The following PASK variants were observed in gnomAD, a reference collection of about 807,000 sequenced individuals.
PASK encodes PAS domain containing serine/threonine kinase, also known as PAS domain-containing serine/threonine-protein kinase.
PASK carries 110 observed loss-of-function variants against 121.0 expected under a neutral mutation model. That is an observed-to-expected ratio of 0.91 (90% confidence interval 0.78 to 1.06). The LOEUF is 1.06. Ranked by LOEUF, PASK falls within the 50% of genes least tolerant of loss-of-function variation. PASK has a pLI of 0.00. For synonymous variants in PASK, 686 were observed against 717.8 expected, an observed-to-expected ratio of 0.96 and a Z score of 0.71; for missense variants, 1,643 against 1,702.3, an observed-to-expected ratio of 0.97 and a Z score of 0.61.
intron 2 of PASK, among the ~76,000 whole-genome samples, 180 bp downstream of exon 2, chr2:241,142,654 AAGC>A (rs1225826439): frequency 6.6e-6 from 1 of 152,232 alleles, no homozygotes; most frequent in African/African-American, 2.4e-5. Context: ...AGCAGAGTAA[AAGC>A]AGCAGGAAGG....
intron 17 of PASK, 78 bp from the exon 18 acceptor site, chr2:241,106,801 G>T: frequency 1.4e-6 from 2 of 1,432,946 alleles, no homozygotes; most frequent in Non-Finnish European, 2.0e-6. Context: ...ACTTGAAGAA[G>T]TCCTAGAACA....
At chr2:241,150,242 T>C (rs2067221924), upstream of PASK, 2 of 1,286,754 alleles carry the variant, frequency 1.6e-6, no homozygotes, top group African/African-American at 3.1e-5. Context: ...TTCGACTCCC[T>C]CTGCTTTCCT....
intron 9 of PASK, among the ~76,000 whole-genome samples, chr2:241,131,513 A>G (rs10173808): frequency 0.058 from 8,830 of 152,268 alleles, 853 homozygotes; most frequent in African/African-American, 0.2. Context: ...TTTTTTAAAT[A>G]ATTTCAAGAC....
upstream of PASK, chr2:241,149,520 A>C (rs1161586916): frequency 5.1e-5 from 40 of 790,660 alleles, 2 homozygotes; most frequent in South Asian, 7.2e-4. Context: ...CCGATTGACA[A>C]GCTCCACGGA....
Position 241,127,174 on chromosome 2 carries a change from G to C in PASK, c.1741C>G (p.Pro581Ala). The C allele has an allele frequency of 6.2e-7, 1 of 1,614,112 alleles. No homozygotes were observed. Among genetic ancestry groups the C allele is most frequent in the Non-Finnish European group, 8.5e-7 (1 of 1,180,004 alleles). The change falls in exon 10 of 18, where the codon CCC becomes GCC. Residue 581 changes from proline (P) to alanine (A), a missense_variant. Pro to Ala is a conservative substitution (Grantham distance 27). Around this residue, in one of 3 missense-constraint regions of PASK, gnomAD observed 1,176 missense variants for 1,162.2 expected, o/e 1.01. Coordinates refer to ENST00000234040, the MANE Select transcript of PASK (RefSeq NM_015148.4). ...AQLERMGVSG[P>A]SGSDLWAGAA... Reference sequence around the variant, plus strand: ...CCAGCCCAAAGGTCTGAACCGCTGGGACCACTGACTCCCATCCGCTCTAGC... The same window carrying C: ...CCAGCCCAAAGGTCTGAACCGCTGGCACCACTGACTCCCATCCGCTCTAGC...
At position 241,115,363 on chromosome 2, in the gene PASK, A is replaced by C; in HGVS notation, c.3123T>G (p.Ile1041Met). The change falls in exon 13 of 18, where the codon ATT becomes ATG. Residue 1041 changes from isoleucine to methionine, a missense_variant. Ile to Met is a conservative substitution (Grantham distance 10). This residue lies in a region of PASK where 453 missense variants were observed against 511.2 expected (regional missense o/e 0.89). Coordinates refer to ENST00000234040, the MANE Select transcript of PASK (RefSeq NM_015148.4). ...TAACTTTCCCAAGTTTGGGATCCTCAATCCAACAATCCTCCAAGACCTTCT... is the reference window on the plus strand; with the variant it reads ...TAACTTTCCCAAGTTTGGGATCCTCCATCCAACAATCCTCCAAGACCTTCT... ...KKEKVLEDCW[I>M]EDPKLGKVTL... The C allele has an allele frequency of 6.2e-7, 1 of 1,613,706 alleles. No individual in the cohort carries two copies. The highest frequency in any genetic ancestry group is 8.5e-7 in the Non-Finnish European group (1 of 1,179,702).
In PASK at chr2:241,130,261, A is replaced by G. The variant is rs537320779; in HGVS notation, c.1463+2613T>C. Among the ~76,000 whole-genome samples, 222 of 152,368 alleles carry G rather than the reference A, an allele frequency of 1.5e-3. 1 individual carries two copies. Among genetic ancestry groups the G allele is most frequent in the African/African-American group, 5.2e-3 (216 of 41,588 alleles). ...AATGAATGGATAAATCTCTATAGTC[A>G]TAACTGCACTAGCTGTGCAGTGGAT... On this transcript the variant is annotated intron_variant, in intron 9 of 17. Coordinates refer to ENST00000234040, the MANE Select transcript of PASK (RefSeq NM_015148.4).
chr2:241,114,652 G>A (rs2065247907), intron 14 of PASK: 2 of 1,148,494 alleles, frequency 1.7e-6, no homozygotes, highest in South Asian at 3.4e-5. Flanking sequence ...TACCTCAACA[G>A]CCACCATTTA....
chr2:241,131,384 A>G (rs2066123453), intron 9 of PASK, among the ~76,000 whole-genome samples: 1 of 152,184 alleles, frequency 6.6e-6, no homozygotes, highest in African/African-American at 2.4e-5. Flanking sequence ...TGCCGACCTC[A>G]TGATCCACCC....
rs1193593886 is a variant in PASK at position 241,124,029 on chromosome 2, T to C, written c.2824A>G (p.Arg942Gly). ...LLHSQRDSAA[R>G]TRLFLASLPG... Reference sequence around the variant, plus strand: ...AGGCTGGCAAGGAACAGGCGGGTCCTGGCGGCTGAGTCGCGTTGGCTGTGG... The same window carrying C: ...AGGCTGGCAAGGAACAGGCGGGTCCCGGCGGCTGAGTCGCGTTGGCTGTGG... Residue 942 changes from arginine to glycine, a missense_variant, in exon 11 of 18, where the codon AGG becomes GGG. Physicochemically the swap from Arg to Gly is moderately radical, Grantham distance 125 (BLOSUM62 -2). Coordinates refer to ENST00000234040, the MANE Select transcript of PASK (RefSeq NM_015148.4). The C allele has an allele frequency of 1.9e-6, 3 of 1,613,606 alleles. No individual in the cohort carries two copies. Among genetic ancestry groups the C allele is most frequent in the African/African-American group, 2.7e-5 (2 of 74,888 alleles).
At chr2:241,110,247 G>A (rs1471736397) in intron 15 of PASK, among the ~76,000 whole-genome samples, 1 of 152,246 alleles carries the variant, frequency 6.6e-6, no homozygotes, top group African/African-American at 2.4e-5. Flanking sequence ...GGTCCCTAGA[G>A]TAGTCAGATT....
At chr2:241,123,881 T>C in intron 11 of PASK, 68 bp downstream of exon 11, 1 of 1,322,068 alleles carries the variant, frequency 7.6e-7, no homozygotes, top group Non-Finnish European at 1.1e-6. Flanking sequence ...CAGAGAGAGA[T>C]GCCAACTAGG....
intron 12 of PASK, 137 bp downstream of exon 12, chr2:241,122,595 G>A (rs891069643): frequency 2.0e-5 from 16 of 818,782 alleles, no homozygotes; most frequent in South Asian, 4.2e-5. Flanking sequence ...TCCGGAAACC[G>A]CCCACATGCC....
In PASK at chr2:241,127,356, A is replaced by C; in HGVS notation, c.1559T>G (p.Val520Gly). ...QITALGREEP[V>G]AIESPGQDLL... ...ATCCTGTCCGGGGCTCTCTATTGCC[A>C]CAGGTTCCTCTCTCCCCAAGGCAGT... The change falls in exon 10 of 18, where the codon GTG becomes GGG. Residue 520 changes from valine to glycine, a missense_variant. Physicochemically the swap from Val to Gly is moderately radical, Grantham distance 109. This residue lies in a region of PASK where 1,176 missense variants were observed against 1,162.2 expected (regional missense o/e 1.01). Transcript: ENST00000234040. 1 of 1,614,154 alleles carries C rather than the reference A, an allele frequency of 6.2e-7. No individual in the cohort carries two copies. The highest frequency in any genetic ancestry group is 2.2e-5 in the East Asian group (1 of 44,892).
chr2:241,129,510 A>T (rs1332396193), intron 9 of PASK, among the ~76,000 whole-genome samples: 1 of 152,240 alleles, frequency 6.6e-6, no homozygotes, highest in Non-Finnish European at 1.5e-5. Context: ...AGGTCAAGGG[A>T]AAACCACAAA....
chr2:241,109,004 G>A (rs1032858431), intron 15 of PASK: 1 of 152,550 alleles, frequency 6.6e-6, no homozygotes, highest in African/African-American at 2.5e-5. Flanking sequence ...CCTCATCCAC[G>A]CTACCATTTA....
rs751277952 is a variant in PASK, at chr2:241,137,309, G to A, written c.877-45C>T. ...TTTGGCTTAAGCCGTGTTTCACGTGGACAGAGCACTGAGTCTGTGCTGCGT... is the reference window on the plus strand; with the variant it reads ...TTTGGCTTAAGCCGTGTTTCACGTGAACAGAGCACTGAGTCTGTGCTGCGT... On this transcript the variant is annotated intron_variant, in intron 6 of 17. Coordinates refer to ENST00000234040, the MANE Select transcript of PASK (RefSeq NM_015148.4). The A allele has an allele frequency of 5.8e-6, 9 of 1,559,970 alleles. No homozygotes were observed. In the Middle Eastern group the frequency reaches 5.3e-4, roughly 92 times the overall value.
Position 241,106,531 on chromosome 2 carries a change from A to G in PASK, c.*35T>C. 2 of 1,611,252 alleles carry G rather than the reference A, an allele frequency of 1.2e-6. No individual in the cohort carries two copies. Among genetic ancestry groups the G allele is most frequent in the South Asian group, 2.2e-5 (2 of 91,042 alleles). ...GAGCCTGAAAACTGTGTGATTTTCCAAACCAAGTGGAGAAAAGCAGGAAGA... is the reference window on the plus strand; with the variant it reads ...GAGCCTGAAAACTGTGTGATTTTCCGAACCAAGTGGAGAAAAGCAGGAAGA... On this transcript the variant is annotated 3_prime_UTR_variant, in exon 18 of 18. Coordinates refer to ENST00000234040, the MANE Select transcript of PASK (RefSeq NM_015148.4).
intron 9 of PASK, among the ~76,000 whole-genome samples, chr2:241,128,500 CCAGATGCA>C (rs1300075011): frequency 6.6e-6 from 1 of 152,168 alleles, no homozygotes; most frequent in African/African-American, 2.4e-5. Flanking sequence ...ACACTGGGCA[CCAGATGCA>C]CAGAATGTGA....
Sources: allele counts gnomAD v4.1 joint callset (sites outside exome capture counted in the v4.1 genomes callset), GRCh38; gene constraint gnomAD v4.1.1; regional missense constraint gnomAD v4.1.1; transcripts MANE v1.5; gene names NCBI Gene and HGNC (gene_info 2026-07-23, HGNC 2026-07-21).